The following TMEM237 variants were observed in gnomAD, a reference collection of about 807,000 sequenced individuals.
The protein encoded by TMEM237 is amyotrophic lateral sclerosis 2 (juvenile) chromosome region, candidate 4.
In TMEM237, 51 loss-of-function variants were observed where a neutral mutation model predicts 59.1. That is an observed-to-expected ratio of 0.86 (90% confidence interval 0.69 to 1.09). The LOEUF (loss-of-function observed/expected upper bound fraction) is 1.09, where lower values mean the gene tolerates loss of function less well. Among genes scored for constraint, TMEM237 ranks in the 50% least tolerant of loss-of-function variants. The pLI is 0.00. For synonymous variants in TMEM237, 140 were observed against 166.1 expected, an observed-to-expected ratio of 0.84 and a Z score of 1.21; for missense variants, 475 against 478.3, an observed-to-expected ratio of 0.99 and a Z score of 0.06.
chr2:201,625,525 T>C (rs1272401866), intron 12 of TMEM237, among the ~76,000 whole-genome samples: 3 of 152,050 alleles, frequency 2.0e-5, no homozygotes, highest in Non-Finnish European at 4.4e-5. Context: ...CCAAAAGGGG[T>C]CTGGGGACTA....
At chr2:201,638,910 C>T (rs2105903445) in intron 4 of TMEM237, 79 bp downstream of exon 4, 2 of 1,380,114 alleles carry the variant, frequency 1.4e-6, no homozygotes, top group South Asian at 2.6e-5. Flanking sequence ...GGCCTTAATT[C>T]TCCCTTATCT....
Position 201,620,310 on chromosome 2 carries a change from T to G in TMEM237, c.*3945A>C, listed in dbSNP as rs894000641. ...TTATTCCTCTTATTTTTGGAATCTATTCTTCTTTTATTCAAGGACCAACTC... is the reference window on the plus strand; with the variant it reads ...TTATTCCTCTTATTTTTGGAATCTAGTCTTCTTTTATTCAAGGACCAACTC... On this transcript the variant is annotated 3_prime_UTR_variant, in exon 13 of 13. Coordinates refer to ENST00000409883, the MANE Select transcript of TMEM237 (RefSeq NM_001044385.3). 5 of 152,214 alleles carry G rather than the reference T, an allele frequency of 3.3e-5. No individual in the cohort carries two copies. The highest frequency in any genetic ancestry group is 7.3e-5 in the Non-Finnish European group (5 of 68,036). The allele number at this position is 152,214 out of a possible 1,614,324, so 9.4% of individuals were successfully genotyped here. A position where few individuals can be genotyped will look rare whatever the true frequency, so the allele number is the denominator to read the frequency against.
intron 8 of TMEM237, 30 bp from the exon 9 acceptor site, chr2:201,629,451 A>G: frequency 6.7e-7 from 1 of 1,482,514 alleles, no homozygotes; most frequent in Non-Finnish European, 8.9e-7. Context: ...ATTATTATAC[A>G]TGAATTACTA....
rs545081288 is a variant in TMEM237, at chr2:201,630,128, A to T, written c.554-276T>A. Among the ~76,000 whole-genome samples, 312 of 151,540 alleles carry T rather than the reference A, an allele frequency of 2.1e-3. 1 individual carries two copies. Among genetic ancestry groups the T allele is most frequent in the African/African-American group, 6.8e-3 (279 of 41,232 alleles). ...ATTTCAGAAATCAATTATATTTAATAAAAAAAAATGAACTTTCAACTCAGA... is the reference window on the plus strand; with the variant it reads ...ATTTCAGAAATCAATTATATTTAATTAAAAAAAATGAACTTTCAACTCAGA... On this transcript the variant is annotated intron_variant, in intron 7 of 12. Coordinates refer to ENST00000409883, the MANE Select transcript of TMEM237 (RefSeq NM_001044385.3).
In TMEM237 at chr2:201,620,912, C is replaced by A. The variant is rs1411432561; in HGVS notation, c.*3343G>T. The A allele has an allele frequency of 6.6e-6, 1 of 152,130 alleles. No individual in the cohort carries two copies. The highest frequency in any genetic ancestry group is 1.5e-5 in the Non-Finnish European group (1 of 68,030). 9.4% of individuals were successfully genotyped at this position (152,130 alleles called of 1,614,324 possible). On this transcript the variant is annotated 3_prime_UTR_variant, in exon 13 of 13. Transcript: ENST00000409883. ...GTTGCTAATCTCAAAAGATAGAGTT[C>A]TTTAGGGGCAGGAACCTGCACCTCA...
intron 7 of TMEM237, among the ~76,000 whole-genome samples, 166 bp downstream of exon 7, chr2:201,631,885 G>T (rs1957810957): frequency 6.6e-6 from 1 of 152,198 alleles, no homozygotes; most frequent in African/African-American, 2.4e-5. Flanking sequence ...CATTTAGGTT[G>T]TTTCCAGTTT....
intron 5 of TMEM237, chr2:201,634,987 C>T (rs1002039442): frequency 3.3e-5 from 8 of 239,940 alleles, no homozygotes; most frequent in South Asian, 5.1e-5. Context: ...TTGTTCCTTC[C>T]CTGAGTTTTG....
In TMEM237 at chr2:201,640,174, A is replaced by G; in HGVS notation, c.79+87T>C. ...ATATTGTAGAATTACAAATTACACCATTCAGACTCAGTTTTAAGAGAAACA... is the reference window on the plus strand; with the variant it reads ...ATATTGTAGAATTACAAATTACACCGTTCAGACTCAGTTTTAAGAGAAACA... On this transcript the variant is annotated intron_variant, in intron 3 of 12. Coordinates refer to ENST00000409883, the MANE Select transcript of TMEM237 (RefSeq NM_001044385.3). The G allele has an allele frequency of 2.7e-6, 3 of 1,093,280 alleles. No individual in the cohort carries two copies. The East Asian group carries it at 7.9e-5, about 29-fold the overall frequency. The allele number at this position is 1,093,280 out of a possible 1,614,324, so 67.7% of individuals were successfully genotyped here. A position where few individuals can be genotyped will look rare whatever the true frequency, so the allele number is the denominator to read the frequency against.
Position 201,636,812 on chromosome 2 carries a change from T to C in TMEM237, c.210A>G (p.Lys70=). 2 of 1,601,328 alleles carry C rather than the reference T, an allele frequency of 1.2e-6. No homozygotes were observed. The highest frequency in any genetic ancestry group is 1.7e-6 in the Non-Finnish European group (2 of 1,173,736). Residue 70 remains lysine (K), a synonymous_variant, in exon 5 of 13, where the codon AAA becomes AAG. Transcript: ENST00000409883. ...GAGCCTCTGGGTGCTCTTTGAGTTC[T>C]TTAGTTGATGGCTCATTGCCCTCAG... is the stretch of plus-strand genomic sequence containing the variant. ...RPSEGNEPST[K]ELKEHPEAPV...
chr2:201,640,227 C>A lies in TMEM237; in HGVS notation c.79+34G>T. 2.6e-6 allele frequency: 4 copies of A among 1,528,976 alleles called. No homozygotes were observed. In the South Asian group the frequency reaches 5.1e-5, roughly 19 times the overall value. 94.7% of individuals were successfully genotyped at this position (1,528,976 alleles called of 1,614,324 possible). On this transcript the variant is annotated intron_variant, in intron 3 of 12. Coordinates refer to ENST00000409883, the MANE Select transcript of TMEM237 (RefSeq NM_001044385.3). ...CCAAGGAATCAAACTAATTTTTGAA[C>A]ACCAAATATTATATTTACATTAAAC...
rs568158023 is a variant in TMEM237, at chr2:201,632,042, T to A, written c.553+9A>T. Reference sequence around the variant, plus strand: ...AGAGTTCATATTCTAAAACAAGGCATCTACTTACGGCTTTTTTCCACAAAT... The same window carrying A: ...AGAGTTCATATTCTAAAACAAGGCAACTACTTACGGCTTTTTTCCACAAAT... On this transcript the variant is annotated intron_variant, in intron 7 of 12. Transcript: ENST00000409883. The A allele has an allele frequency of 5.6e-6, 9 of 1,613,210 alleles. No homozygotes were observed. In the African/African-American group the frequency reaches 1.2e-4, roughly 22 times the overall value.
rs1175123467 is a variant in TMEM237 at position 201,627,474 on chromosome 2, T to C, written c.944-60A>G. The C allele has an allele frequency of 3.1e-5, 34 of 1,102,630 alleles. No homozygotes were observed. In the South Asian group the frequency reaches 4.5e-4, roughly 15 times the overall value. The allele number at this position is 1,102,630 out of a possible 1,614,324, so 68.3% of individuals were successfully genotyped here. A position where few individuals can be genotyped will look rare whatever the true frequency, so the allele number is the denominator to read the frequency against. The stretch of plus-strand genomic sequence containing the variant: ...TTAACAACCTGGTTTATTTTGAATT[T>C]ATAGATTAATATCGAAAATAATCTA... On this transcript the variant is annotated intron_variant, in intron 10 of 12. Coordinates refer to ENST00000409883, the MANE Select transcript of TMEM237 (RefSeq NM_001044385.3).
At chr2:201,625,616 C>A (rs906851943) in intron 12 of TMEM237, among the ~76,000 whole-genome samples, 32 of 152,004 alleles carry the variant, frequency 2.1e-4, no homozygotes, top group African/African-American at 7.5e-4. Context: ...AGAATTTGTA[C>A]CAAATAGAGA....
intron 4 of TMEM237, among the ~76,000 whole-genome samples, chr2:201,638,060 A>G (rs1687337613): frequency 6.6e-6 from 1 of 152,198 alleles, no homozygotes; most frequent in Non-Finnish European, 1.5e-5. Flanking sequence ...CTTCTTCCCT[A>G]CCACCCACTA....
intron 6 of TMEM237, among the ~76,000 whole-genome samples, 178 bp from the exon 7 acceptor site, chr2:201,632,386 A>C (rs1007514895): frequency 2.0e-5 from 3 of 152,204 alleles, no homozygotes; most frequent in Admixed American, 2.0e-4. Context: ...TACATTTCTG[A>C]GGGCTTCAGT....
chr2:201,626,502 A>G (rs1156269722), intron 11 of TMEM237, among the ~76,000 whole-genome samples: 1 of 149,234 alleles, frequency 6.7e-6, no homozygotes, highest in African/African-American at 2.5e-5. Flanking sequence ...CTCAAAAAAG[A>G]CTACTTTTGG....
chr2:201,631,052 CTG>C (rs1957802651), intron 7 of TMEM237: 1 of 152,138 alleles, frequency 6.6e-6, no homozygotes, highest in Non-Finnish European at 1.5e-5. Context: ...TTCTTAAACA[CTG>C]TGTTATAGAC....
In TMEM237 at chr2:201,623,431, G is replaced by A. The variant is rs747390667; in HGVS notation, c.*824C>T. ...TGACAAAGAGCTGGAGAACAGAGAT[G>A]GTGAATTTCTACTCCTATTTCTTGT... On this transcript the variant is annotated 3_prime_UTR_variant, in exon 13 of 13. Transcript: ENST00000409883. 1 of 164,492 alleles carries A rather than the reference G, an allele frequency of 6.1e-6. No individual in the cohort carries two copies. Among genetic ancestry groups the A allele is most frequent in the Non-Finnish European group, 1.3e-5 (1 of 74,188 alleles). The allele number at this position is 164,492 out of a possible 1,614,324, so 10.2% of individuals were successfully genotyped here.
At position 201,621,810 on chromosome 2, in the gene TMEM237, T is replaced by G. The variant is rs908751904; in HGVS notation, c.*2445A>C. ...ACCAATTGGACTGGATCAGCTTGCATGTCAATCTAGTCCACTGTAAGCTGG... is the reference window on the plus strand; with the variant it reads ...ACCAATTGGACTGGATCAGCTTGCAGGTCAATCTAGTCCACTGTAAGCTGG... On this transcript the variant is annotated 3_prime_UTR_variant, in exon 13 of 13. Coordinates refer to ENST00000409883, the MANE Select transcript of TMEM237 (RefSeq NM_001044385.3). The G allele has an allele frequency of 2.6e-5, 4 of 152,658 alleles. No individual in the cohort carries two copies. The highest frequency in any genetic ancestry group is 4.8e-5 in the African/African-American group (2 of 41,470). The allele number at this position is 152,658 out of a possible 1,614,324, so 9.5% of individuals were successfully genotyped here.
Sources: allele counts gnomAD v4.1 joint callset (sites outside exome capture counted in the v4.1 genomes callset), GRCh38; gene constraint gnomAD v4.1.1; transcripts MANE v1.5; gene names NCBI Gene and HGNC (gene_info 2026-07-23, HGNC 2026-07-21).